The following GRID2 variants were observed in gnomAD, a reference collection of about 807,000 sequenced individuals.
GRID2 encodes glutamate receptor ionotropic, delta-2.
A neutral mutation model predicts 114.8 loss-of-function variants in GRID2; 33 were observed. That is an observed-to-expected ratio of 0.29 (90% CI 0.22 to 0.38). The LOEUF (loss-of-function observed/expected upper bound fraction) is 0.38. Ranked by LOEUF, GRID2 falls within the 10% of genes least tolerant of loss-of-function variation. The pLI is 1.00. For synonymous variants in GRID2, 505 were observed against 449.9 expected, an observed-to-expected ratio of 1.12 and a Z score of -1.55; for missense variants, 1,184 against 1,257.7, an observed-to-expected ratio of 0.94 and a Z score of 0.89.
intron 1 of GRID2, among the ~76,000 whole-genome samples, chr4:92,359,766 G>A (rs1186067502): frequency 6.6e-6 from 1 of 151,894 alleles, no homozygotes; most frequent in Admixed American, 6.6e-5. Context: ...GGCCAGCATG[G>A]TCTGTCTAGT....
At chr4:92,912,482 G>T (rs926296442) in intron 2 of GRID2, among the ~76,000 whole-genome samples, 3 of 137,104 alleles carry the variant, frequency 2.2e-5, no homozygotes, top group Non-Finnish European at 3.2e-5. Flanking sequence ...ATAGTGTTTT[G>T]ATATGTACAG....
At chr4:93,697,615 C>G (rs1481640656) in intron 14 of GRID2, among the ~76,000 whole-genome samples, 1 of 151,850 alleles carries the variant, frequency 6.6e-6, no homozygotes. Context: ...ATATTAGTCA[C>G]TTTCTTATTT....
intron 13 of GRID2, among the ~76,000 whole-genome samples, chr4:93,565,239 A>G (rs1735292248): frequency 6.6e-6 from 1 of 152,160 alleles, no homozygotes; most frequent in Non-Finnish European, 1.5e-5. Flanking sequence ...TATGAAACTT[A>G]ATACACCACA....
intron 13 of GRID2, among the ~76,000 whole-genome samples, chr4:93,585,010 A>G (rs1407880415): frequency 6.6e-6 from 1 of 152,182 alleles, no homozygotes. Flanking sequence ...ACTTTCTCAA[A>G]ACACTTTCAT....
intron 10 of GRID2, among the ~76,000 whole-genome samples, chr4:93,448,705 T>C (rs1722327476): frequency 6.6e-6 from 1 of 151,864 alleles, no homozygotes; most frequent in South Asian, 2.1e-4. Context: ...ACAAAAATTA[T>C]CTTTAAAATT....
chr4:92,538,251 C>T (rs1165088576), intron 1 of GRID2, among the ~76,000 whole-genome samples: 1 of 152,094 alleles, frequency 6.6e-6, no homozygotes. Context: ...TATTCAATAA[C>T]CCTAACAATT....
chr4:92,526,639 C>T (rs564715323), intron 1 of GRID2, among the ~76,000 whole-genome samples: 3 of 152,166 alleles, frequency 2.0e-5, no homozygotes, highest in East Asian at 3.9e-4. Context: ...CCACTGCACC[C>T]AGCCAATGGT....
chr4:92,460,524 A>G lies in GRID2; in HGVS notation c.89-129607A>G, dbSNP rs1470339953. Reference sequence around the variant, plus strand: ...TAATGGAAGGGAACTGACTCTTACAATTGTTATTTCTGATACTGATAGAAT... The same window carrying G: ...TAATGGAAGGGAACTGACTCTTACAGTTGTTATTTCTGATACTGATAGAAT... On this transcript the variant is annotated intron_variant, in intron 1 of 15. Transcript: ENST00000282020. Among the ~76,000 whole-genome samples, 10 of 152,288 alleles carry G rather than the reference A, an allele frequency of 6.6e-5. No individual in the cohort carries two copies. The East Asian group carries it at 1.9e-3, about 29-fold the overall frequency.
intron 2 of GRID2, among the ~76,000 whole-genome samples, chr4:92,838,527 T>C (rs1742637502): frequency 6.6e-6 from 1 of 152,118 alleles, no homozygotes; most frequent in Non-Finnish European, 1.5e-5. Flanking sequence ...ATGTTAGTAA[T>C]CCATTTGACT....
chr4:92,329,826 A>G (rs1726785257), intron 1 of GRID2, among the ~76,000 whole-genome samples: 1 of 151,982 alleles, frequency 6.6e-6, no homozygotes, highest in African/African-American at 2.4e-5. Flanking sequence ...ATATGAATTT[A>G]GATTAGGGGG....
At chr4:92,629,224 C>T (rs1473930576) in intron 2 of GRID2, among the ~76,000 whole-genome samples, 12 of 151,518 alleles carry the variant, frequency 7.9e-5, no homozygotes, top group Admixed American at 7.9e-4. Flanking sequence ...GTATGTATGC[C>T]AAGAAAAAGG....
intron 1 of GRID2, among the ~76,000 whole-genome samples, chr4:92,436,663 C>G (rs981996881): frequency 3.9e-5 from 6 of 152,146 alleles, no homozygotes; most frequent in Non-Finnish European, 7.4e-5. Context: ...TATGGAATCT[C>G]TCTTAGGTTG....
intron 2 of GRID2, among the ~76,000 whole-genome samples, chr4:92,956,795 G>T (rs1304390091): frequency 2.0e-5 from 3 of 152,102 alleles, no homozygotes; most frequent in African/African-American, 7.2e-5. Context: ...GTTCTTGTTG[G>T]TTCACATCCT....
intron 7 of GRID2, among the ~76,000 whole-genome samples, chr4:93,229,776 T>C (rs1369511545): frequency 6.6e-6 from 1 of 152,122 alleles, no homozygotes; most frequent in Non-Finnish European, 1.5e-5. Flanking sequence ...ATTGACATAG[T>C]AGTATAAATG....
intron 2 of GRID2, among the ~76,000 whole-genome samples, chr4:92,799,305 T>A (rs1312280292): frequency 1.3e-5 from 2 of 151,922 alleles, no homozygotes; most frequent in Non-Finnish European, 2.9e-5. Context: ...ATGCTGCTGC[T>A]GATCTGATGG....
intron 13 of GRID2, among the ~76,000 whole-genome samples, chr4:93,606,127 C>T (rs1004098936): frequency 2.0e-5 from 3 of 151,940 alleles, no homozygotes; most frequent in Admixed American, 1.3e-4. Context: ...ATTAGCTGGG[C>T]GTGGTGGCAT....
chr4:92,575,775 C>A (rs899258345), intron 1 of GRID2, among the ~76,000 whole-genome samples: 1 of 152,144 alleles, frequency 6.6e-6, no homozygotes, highest in African/African-American at 2.4e-5. Flanking sequence ...TCTCGAAGGC[C>A]CACAGTCTGG....
intron 1 of GRID2, among the ~76,000 whole-genome samples, chr4:92,341,439 A>G (rs1384997821): frequency 6.6e-6 from 1 of 151,930 alleles, no homozygotes; most frequent in African/African-American, 2.4e-5. Flanking sequence ...CAGCTATTTC[A>G]CTGAAAAATG....
intron 2 of GRID2, among the ~76,000 whole-genome samples, chr4:92,734,367 A>C (rs894868398): frequency 6.6e-6 from 1 of 151,814 alleles, no homozygotes; most frequent in Non-Finnish European, 1.5e-5. Flanking sequence ...CTGTGGCCTC[A>C]AACTCCTGGA....
Sources: gnomAD v4.1 joint callset for allele counts (sites outside exome capture counted in the v4.1 genomes callset) on GRCh38, gnomAD v4.1.1 for gene constraint, MANE v1.5 for transcripts, NCBI Gene and HGNC (gene_info 2026-07-23, HGNC 2026-07-21) for gene names.